CAMK1D: variants seen among roughly 807,000 people sequenced by gnomAD.
The protein encoded by CAMK1D is calcium/calmodulin dependent protein kinase ID.
Under a neutral mutation model 47.7 loss-of-function variants are expected in CAMK1D, and 9 were observed. The observed-to-expected ratio is 0.19, with a 90% CI of 0.11 to 0.33. The LOEUF (loss-of-function observed/expected upper bound fraction) is 0.33. CAMK1D is among the 10% of genes least tolerant of loss of function. The pLI, the probability that CAMK1D is intolerant of heterozygous loss-of-function variation, is 1.00. For synonymous variants in CAMK1D, 184 were observed against 184.9 expected (o/e 0.99, Z 0.04); for missense variants, 291 against 488.7 (o/e 0.60, Z 3.81).
At chr10:12,657,427 A>AAAATAAATAAATAAATAAATAAATAAAT (rs10524598) in intron 2 of CAMK1D, among the ~76,000 whole-genome samples, 1 of 146,712 alleles carries the variant, frequency 6.8e-6, no homozygotes. Context: ...CTGTCTCATA[A>AAAATAAATAAATAAATAAATAAATAAAT]AAATAAATAA....
chr10:12,667,317 TAAGAG>T (rs1012874064), intron 3 of CAMK1D, among the ~76,000 whole-genome samples: 1 of 152,228 alleles, frequency 6.6e-6, no homozygotes, highest in African/African-American at 2.4e-5. Context: ...GTGCCAGACA[TAAGAG>T]AAGTATAATT....
At chr10:12,381,467 C>A (rs1301407585) in intron 1 of CAMK1D, among the ~76,000 whole-genome samples, 1 of 151,636 alleles carries the variant, frequency 6.6e-6, no homozygotes, top group East Asian at 1.9e-4. Flanking sequence ...TCCTGAGTAG[C>A]TGGGATTACA....
At chr10:12,376,696 T>C (rs1838192142) in intron 1 of CAMK1D, among the ~76,000 whole-genome samples, 1 of 152,060 alleles carries the variant, frequency 6.6e-6, no homozygotes, top group South Asian at 2.1e-4. Context: ...CTGCTCACAC[T>C]CCTGAGAAAC....
chr10:12,689,560 T>A (rs1282470350), intron 3 of CAMK1D, among the ~76,000 whole-genome samples: 1 of 152,118 alleles, frequency 6.6e-6, no homozygotes, highest in African/African-American at 2.4e-5. Flanking sequence ...GCGGATCACC[T>A]GAGGCCAGGA....
chr10:12,509,602 G>A lies in CAMK1D; in HGVS notation c.93-43623G>A, dbSNP rs539088839. On this transcript the variant is annotated intron_variant, in intron 1 of 10. Coordinates refer to ENST00000619168, the MANE Select transcript of CAMK1D (RefSeq NM_153498.4). ...TTTCTACAAAAACGAAACAAAATGA[G>A]TATCCAGGTGTGGTGGTGCATGTCT... 7.6e-4 allele frequency among the ~76,000 whole-genome samples: 116 copies of A among 152,264 alleles called. 1 individual carries two copies. The highest frequency in any genetic ancestry group is 2.7e-3 in the African/African-American group (112 of 41,560).
intron 5 of CAMK1D, among the ~76,000 whole-genome samples, chr10:12,774,332 A>T (rs1837178034): frequency 6.6e-6 from 1 of 152,118 alleles, no homozygotes; most frequent in African/African-American, 2.4e-5. Context: ...CGTGGTAAAG[A>T]TTTGATAGGA....
chr10:12,733,174 G>C (rs1450923572), intron 3 of CAMK1D, among the ~76,000 whole-genome samples: 1 of 152,126 alleles, frequency 6.6e-6, no homozygotes, highest in Non-Finnish European at 1.5e-5. Flanking sequence ...AGGTTTATTT[G>C]CCACCTTTTC....
intron 2 of CAMK1D, among the ~76,000 whole-genome samples, chr10:12,602,881 C>G (rs1838343856): frequency 1.6e-5 from 1 of 60,774 alleles, no homozygotes; most frequent in Non-Finnish European, 4.3e-5. Context: ...CATCACATGT[C>G]TTTCTAACTG....
chr10:12,403,540 AT>A (rs1248728839), intron 1 of CAMK1D, among the ~76,000 whole-genome samples: 1 of 152,158 alleles, frequency 6.6e-6, no homozygotes, highest in Non-Finnish European at 1.5e-5. Context: ...CAGCTATTCT[AT>A]AAAGACTCAA....
chr10:12,408,315 C>A (rs1839523156), intron 1 of CAMK1D, among the ~76,000 whole-genome samples: 1 of 152,022 alleles, frequency 6.6e-6, no homozygotes, highest in African/African-American at 2.4e-5. Flanking sequence ...GCGCCCGCTA[C>A]CTCGCCCGGC....
rs764307882 is a variant in CAMK1D, at chr10:12,824,501, C to T, written c.870C>T (p.His290=). 2.9e-5 allele frequency: 46 copies of T among 1,613,992 alleles called. No individual in the cohort carries two copies. Among genetic ancestry groups the T allele is most frequent in the Non-Finnish European group, 3.6e-5 (42 of 1,180,016 alleles). ...AGDTALNKNI[H]ESVSAQIRKN... The stretch of plus-strand genomic sequence containing the variant: ...ACACAGCCCTCAACAAAAACATCCA[C>T]GAGTCCGTCAGCGCCCAGATCCGGA... The change falls in exon 9 of 11, where the codon CAC becomes CAT. Residue 290 remains histidine, a synonymous_variant. Transcript: ENST00000619168.
intron 6 of CAMK1D, among the ~76,000 whole-genome samples, chr10:12,797,196 C>T (rs1231810137): frequency 7.3e-6 from 1 of 137,546 alleles, no homozygotes. Flanking sequence ...TGACCAGTTC[C>T]TTTTTTTTTT....
chr10:12,541,889 T>TCCTTCCTTCC (rs760116191), intron 1 of CAMK1D, among the ~76,000 whole-genome samples: 103 of 141,954 alleles, frequency 7.3e-4, no homozygotes, highest in East Asian at 1.5e-3. Flanking sequence ...CTTCCTTCCT[T>TCCTTCCTTCC]TTTTTTTTTC....
chr10:12,458,165 C>T (rs11257805), intron 1 of CAMK1D, among the ~76,000 whole-genome samples: 1 of 152,126 alleles, frequency 6.6e-6, no homozygotes, highest in South Asian at 2.1e-4. Context: ...TACCGAGCCT[C>T]TCCCATGCAC....
At chr10:12,390,992 G>A (rs1838704298) in intron 1 of CAMK1D, among the ~76,000 whole-genome samples, 1 of 152,138 alleles carries the variant, frequency 6.6e-6, no homozygotes. Context: ...CCAGCATTGA[G>A]TGAGTAGGAG....
intron 5 of CAMK1D, among the ~76,000 whole-genome samples, chr10:12,784,418 G>A (rs113415342): frequency 0.042 from 6,443 of 151,990 alleles, 377 homozygotes; most frequent in African/African-American, 0.13. Flanking sequence ...GGCTGGTCTC[G>A]AACTCCTGAC....
chr10:12,819,681 G>A (rs1173116672), intron 8 of CAMK1D, among the ~76,000 whole-genome samples: 1 of 152,208 alleles, frequency 6.6e-6, no homozygotes, highest in African/African-American at 2.4e-5. Context: ...TTCCCTTTGG[G>A]CAGTGGGGTC....
rs548015173 is a variant in CAMK1D, at chr10:12,641,544, G to C, written c.225-25192G>C. On this transcript the variant is annotated intron_variant, in intron 2 of 10. Transcript: ENST00000619168. The stretch of plus-strand genomic sequence containing the variant: ...GAGGTGGGAGGATCATCTGAGCCTG[G>C]GGAGGTCGAGGCTGCAGTGAGCCAT... 6.6e-5 allele frequency among the ~76,000 whole-genome samples: 10 copies of C among 151,800 alleles called. No individual in the cohort carries two copies. In the East Asian group the frequency reaches 1.9e-3, roughly 29 times the overall value.
At chr10:12,806,353 C>A (rs1037651709) in intron 6 of CAMK1D, among the ~76,000 whole-genome samples, 1 of 152,172 alleles carries the variant, frequency 6.6e-6, no homozygotes, top group East Asian at 1.9e-4. Context: ...CCAGAGGAGT[C>A]CCTGACAGGC....
Sources: gnomAD v4.1 joint callset for allele counts (sites outside exome capture counted in the v4.1 genomes callset) on GRCh38, gnomAD v4.1.1 for gene constraint, MANE v1.5 for transcripts, NCBI Gene and HGNC (gene_info 2026-07-23, HGNC 2026-07-21) for gene names.